Variants in RTN1 observed in about 807,000 individuals in gnomAD.
RTN1 encodes reticulon 1.
In RTN1, 25 loss-of-function variants were observed where a neutral mutation model predicts 65.5. The observed-to-expected ratio is 0.38, with a 90% confidence interval of 0.28 to 0.53. The LOEUF (loss-of-function observed/expected upper bound fraction) is 0.53, where lower values mean the gene tolerates loss of function less well. Ranked by LOEUF, RTN1 falls within the 20% of genes least tolerant of loss-of-function variation. RTN1 has a pLI of 0.79. For synonymous variants in RTN1, 471 were observed against 447.6 expected (o/e 1.05, Z -0.66); for missense variants, 983 against 1,025.4 (o/e 0.96, Z 0.57).
intron 3 of RTN1, among the ~76,000 whole-genome samples, chr14:59,628,665 G>A (rs1188940981): frequency 6.6e-6 from 1 of 152,126 alleles, no homozygotes; most frequent in Non-Finnish European, 1.5e-5. Flanking sequence ...ATCTTCACAA[G>A]TAGCTCTGCA....
chr14:59,627,101 C>G lies in RTN1; in HGVS notation c.1766-19609G>C, dbSNP rs115622712. Among the ~76,000 whole-genome samples, 905 of 152,274 alleles carry G rather than the reference C, an allele frequency of 5.9e-3. 10 individuals carry two copies. The highest frequency in any genetic ancestry group is 0.021 in the African/African-American group (865 of 41,546). On this transcript the variant is annotated intron_variant, in intron 3 of 8. Transcript: ENST00000267484. ...CAATCTGCTACCAAAAAACCTTGGG[C>G]AAGTCAGTTAACTTCTGAGCCTCAT...
intron 3 of RTN1, among the ~76,000 whole-genome samples, chr14:59,722,795 AC>A (rs1566698591): frequency 2.0e-5 from 3 of 149,376 alleles, no homozygotes; most frequent in African/African-American, 7.4e-5. Context: ...GGAACTTTTA[AC>A]TTTTTTTTTT....
At chr14:59,708,134 C>T (rs891878771) in intron 3 of RTN1, among the ~76,000 whole-genome samples, 2 of 152,170 alleles carry the variant, frequency 1.3e-5, no homozygotes, top group African/African-American at 4.8e-5. Flanking sequence ...AGCATTAGCA[C>T]CTAATGTGCT....
At chr14:59,647,460 T>G (rs1882924132) in intron 3 of RTN1, among the ~76,000 whole-genome samples, 1 of 152,166 alleles carries the variant, frequency 6.6e-6, no homozygotes, top group Non-Finnish European at 1.5e-5. Context: ...CTGATAGATC[T>G]CCACAGAACT....
intron 3 of RTN1, among the ~76,000 whole-genome samples, chr14:59,719,844 T>C (rs775138031): frequency 7.2e-5 from 11 of 152,162 alleles, no homozygotes; most frequent in South Asian, 2.1e-4. Flanking sequence ...ATAAGTTAGG[T>C]TGATCTATGT....
At chr14:59,763,646 C>T (rs1885793932) in intron 1 of RTN1, among the ~76,000 whole-genome samples, 1 of 151,286 alleles carries the variant, frequency 6.6e-6, no homozygotes, top group South Asian at 2.1e-4. Flanking sequence ...CATTCTCCTG[C>T]CTCAGCCTCC....
intron 3 of RTN1, among the ~76,000 whole-genome samples, chr14:59,653,963 A>G (rs1023270945): frequency 4.6e-5 from 7 of 152,198 alleles, no homozygotes; most frequent in Admixed American, 1.3e-4. Flanking sequence ...CAGTGGCACA[A>G]TATCGGCTCA....
chr14:59,597,095 A>G (rs1881424652), intron 8 of RTN1, among the ~76,000 whole-genome samples: 1 of 152,202 alleles, frequency 6.6e-6, no homozygotes, highest in Admixed American at 6.5e-5. Flanking sequence ...TAGGGTGATT[A>G]TTTATCCCCC....
chr14:59,682,172 T>A (rs1171288053), intron 3 of RTN1, among the ~76,000 whole-genome samples: 1 of 152,178 alleles, frequency 6.6e-6, no homozygotes, highest in East Asian at 1.9e-4. Context: ...TGAAATCACA[T>A]GCTATTTCAC....
intron 1 of RTN1, among the ~76,000 whole-genome samples, chr14:59,830,299 C>A (rs955483436): frequency 5.9e-5 from 9 of 152,240 alleles, no homozygotes; most frequent in Non-Finnish European, 1.3e-4. Context: ...TGTGCTGACT[C>A]TTCAAGTGCT....
chr14:59,820,391 G>A (rs1257087882), intron 1 of RTN1, among the ~76,000 whole-genome samples: 1 of 106,474 alleles, frequency 9.4e-6, no homozygotes, highest in Non-Finnish European at 1.9e-5. Context: ...CTGTGCAGAA[G>A]CTTTTTACTT....
intron 1 of RTN1, among the ~76,000 whole-genome samples, chr14:59,747,300 T>C (rs1214356987): frequency 6.6e-6 from 1 of 152,202 alleles, no homozygotes; most frequent in Non-Finnish European, 1.5e-5. Context: ...ACACCAGCCA[T>C]TTTTTATATT....
chr14:59,611,830 T>C (rs546507456), intron 3 of RTN1, among the ~76,000 whole-genome samples: 1 of 152,282 alleles, frequency 6.6e-6, no homozygotes, highest in African/African-American at 2.4e-5. Context: ...CTTCTGTCCA[T>C]CTCCTCTTTG....
intron 1 of RTN1, among the ~76,000 whole-genome samples, chr14:59,855,370 C>A (rs111408028): frequency 6.6e-6 from 1 of 152,162 alleles, no homozygotes; most frequent in African/African-American, 2.4e-5. Context: ...ATCTCGATTA[C>A]TGTGTTTCTT....
At chr14:59,714,495 C>T (rs1156565763) in intron 3 of RTN1, among the ~76,000 whole-genome samples, 1 of 152,246 alleles carries the variant, frequency 6.6e-6, no homozygotes, top group Non-Finnish European at 1.5e-5. Flanking sequence ...TATAGGAGCC[C>T]AGGTTCCTTC....
intron 3 of RTN1, among the ~76,000 whole-genome samples, chr14:59,657,402 C>G (rs1883144057): frequency 1.3e-5 from 2 of 152,146 alleles, no homozygotes; most frequent in African/African-American, 4.8e-5. Flanking sequence ...GAGTGAGACT[C>G]TGTCTCAACA....
intron 3 of RTN1, among the ~76,000 whole-genome samples, chr14:59,623,300 A>C (rs567793157): frequency 4.5e-4 from 68 of 152,352 alleles, no homozygotes; most frequent in Non-Finnish European, 8.5e-4. Context: ...GAACATTCCC[A>C]TTCTTTCCAA....
At chr14:59,632,626 A>T (rs1882578618) in intron 3 of RTN1, among the ~76,000 whole-genome samples, 1 of 152,172 alleles carries the variant, frequency 6.6e-6, no homozygotes, top group Non-Finnish European at 1.5e-5. Context: ...TTTACTGATG[A>T]GTATTGTGTC....
intron 3 of RTN1, among the ~76,000 whole-genome samples, chr14:59,657,457 T>C (rs1035936391): frequency 7.2e-5 from 11 of 152,088 alleles, no homozygotes; most frequent in African/African-American, 2.7e-4. Flanking sequence ...GCTGGCAAGA[T>C]GGCCTAATAG....
Sources: gnomAD v4.1 joint callset for allele counts (sites outside exome capture counted in the v4.1 genomes callset) on GRCh38, gnomAD v4.1.1 for gene constraint, MANE v1.5 for transcripts, NCBI Gene and HGNC (gene_info 2026-07-23, HGNC 2026-07-21) for gene names.